HNRNPH3: variants seen among roughly 807,000 people sequenced by gnomAD.
HNRNPH3 encodes the protein heterogeneous nuclear ribonucleoprotein 2H9.
In HNRNPH3, 7 loss-of-function variants were observed where a neutral mutation model predicts 47.0. The ratio of observed to expected loss-of-function variants is 0.15; its 90% CI spans 0.08 to 0.28. The LOEUF is 0.28. HNRNPH3 is among the 10% of genes least tolerant of loss of function. The probability of loss-of-function intolerance (pLI) is 1.00; values close to 1 mark genes in which losing one functional copy is unlikely to be tolerated. For synonymous variants in HNRNPH3, 120 were observed against 143.2 expected (o/e 0.84, Z 1.16); for missense variants, 279 against 449.6 (o/e 0.62, Z 3.43).
intron 1 of HNRNPH3, among the ~76,000 whole-genome samples, chr10:68,333,838 T>A (rs1053435275): frequency 1.3e-5 from 2 of 152,248 alleles, no homozygotes. Flanking sequence ...TGATGCTTTC[T>A]CAAGATTGCC....
intron 1 of HNRNPH3, among the ~76,000 whole-genome samples, chr10:68,334,002 T>C (rs1187546117): frequency 1.3e-5 from 2 of 152,206 alleles, no homozygotes; most frequent in African/African-American, 4.8e-5. Flanking sequence ...CCTCTTTTCA[T>C]TTGTGCCGTT....
chr10:68,340,680 C>T (rs754750697), intron 6 of HNRNPH3, among the ~76,000 whole-genome samples: 1 of 152,194 alleles, frequency 6.6e-6, no homozygotes, highest in Non-Finnish European at 1.5e-5. Flanking sequence ...TAAAACCTGG[C>T]TAACTTGTGA....
Position 68,337,645 on chromosome 10 carries a change from A to G in HNRNPH3, c.113-213A>G, listed in dbSNP as rs953192235. The stretch of plus-strand genomic sequence containing the variant: ...TATAGGTGGGCTTTTAGAGTGTGTA[A>G]TTACACAGTGTTTTTACACTGGTCG... On this transcript the variant is annotated intron_variant, in intron 2 of 9. Coordinates refer to ENST00000265866, the MANE Select transcript of HNRNPH3 (RefSeq NM_012207.3). This position sits in a 1 kb window ranked among gnomAD's most constrained non-coding sequence, Gnocchi z 4.5. 1 of 529,994 alleles carries G rather than the reference A, an allele frequency of 1.9e-6. No individual in the cohort carries two copies. Among genetic ancestry groups the G allele is most frequent in the Non-Finnish European group, 3.3e-6 (1 of 298,686 alleles). The allele number at this position is 529,994 out of a possible 1,614,324, so 32.8% of individuals were successfully genotyped here.
At position 68,339,547 on chromosome 10, in the gene HNRNPH3, A is replaced by C; in HGVS notation, c.631A>C (p.Ile211Leu). Residue 211 changes from isoleucine (I) to leucine (L), a missense_variant, in exon 6 of 10, where the codon ATT becomes CTT. By Grantham distance (5) the Ile-to-Leu change is conservative. Coordinates refer to ENST00000265866, the MANE Select transcript of HNRNPH3 (RefSeq NM_012207.3). ...GCCTTTTCGTGCAACTGAAAATGAC[A>C]TTGCTAATGTGAGTAATTTTTAATA... Reference protein sequence around the residue: ...GLPFRATENDIANFFSPLNPI... With the variant: ...GLPFRATENDLANFFSPLNPI... The C allele has an allele frequency of 6.3e-7, 1 of 1,597,994 alleles. No homozygotes were observed. Among genetic ancestry groups the C allele is most frequent in the Non-Finnish European group, 8.6e-7 (1 of 1,165,566 alleles).
chr10:68,341,715 G>C lies in HNRNPH3; in HGVS notation c.871+35G>C, dbSNP rs996507780. The C allele has an allele frequency of 1.9e-6, 3 of 1,586,234 alleles. No homozygotes were observed. In the African/African-American group the frequency reaches 4.1e-5, roughly 22 times the overall value. On this transcript the variant is annotated intron_variant, in intron 8 of 9. Transcript: ENST00000265866. ...GTTTTTAAAATATGCAGGGTTAGCT[G>C]CTTATCGATGAGTCTCAATTTTTTT...
Position 68,341,648 on chromosome 10 carries a change from C to G in HNRNPH3, c.839C>G (p.Ser280Cys), listed in dbSNP as rs747008094. ...GGAGGCGGCTCTGGCATGGGAGGTT[C>G]TGGAATGGGAGGCTACGGAAGAGAT... Reference protein sequence around the residue: ...TPGGGSGMGGSGMGGYGRDGM... With the variant: ...TPGGGSGMGGCGMGGYGRDGM... The change falls in exon 8 of 10, where the codon TCT (serine) becomes TGT (cysteine). Residue 280 changes from serine (S) to cysteine (C), a missense_variant. Around this residue, in one of 2 missense-constraint regions of HNRNPH3, gnomAD observed 239 missense variants for 335.8 expected, o/e 0.71. Coordinates refer to ENST00000265866, the MANE Select transcript of HNRNPH3 (RefSeq NM_012207.3). 1 of 1,613,482 alleles carries G rather than the reference C, an allele frequency of 6.2e-7. No homozygotes were observed. Among genetic ancestry groups the G allele is most frequent in the South Asian group, 1.1e-5 (1 of 91,052 alleles).
chr10:68,340,321 C>T (rs2045821998), intron 6 of HNRNPH3, among the ~76,000 whole-genome samples: 3 of 152,154 alleles, frequency 2.0e-5, no homozygotes, highest in Non-Finnish European at 4.4e-5. Flanking sequence ...AGCCACTGCG[C>T]CTGACCTGTA....
intron 6 of HNRNPH3, among the ~76,000 whole-genome samples, chr10:68,340,502 C>T (rs973756961): frequency 2.0e-5 from 3 of 152,146 alleles, no homozygotes; most frequent in Non-Finnish European, 2.9e-5. Flanking sequence ...AACTTCAGTC[C>T]ATGGGCTAAA....
intron 1 of HNRNPH3, among the ~76,000 whole-genome samples, chr10:68,335,740 G>T (rs989872763): frequency 6.6e-6 from 1 of 152,158 alleles, no homozygotes; most frequent in Non-Finnish European, 1.5e-5. Context: ...CCAAGCACTT[G>T]AATAGTCCAG....
intron 1 of HNRNPH3, among the ~76,000 whole-genome samples, chr10:68,333,780 C>G (rs10998073): frequency 0.093 from 14,197 of 152,154 alleles, 993 homozygotes; most frequent in South Asian, 0.24. Flanking sequence ...TTGTTACCTA[C>G]TTTTCCAGCT....
At chr10:68,332,467 C>G (rs529261758) in intron 1 of HNRNPH3, among the ~76,000 whole-genome samples, 13 of 152,354 alleles carry the variant, frequency 8.5e-5, no homozygotes, top group African/African-American at 2.6e-4. Context: ...GGACATCCAG[C>G]ATTTTCCCCT....
At position 68,341,319 on chromosome 10, in the gene HNRNPH3, G is replaced by A. The variant is rs748673028; in HGVS notation, c.775+10G>A. On this transcript the variant is annotated intron_variant, in intron 7 of 9. Transcript: ENST00000265866. Reference sequence around the variant, plus strand: ...GATAAAAATAACATGCGTAAGTGGTGTCTTTGGCACACAATCTTATTTCCT... The same window carrying A: ...GATAAAAATAACATGCGTAAGTGGTATCTTTGGCACACAATCTTATTTCCT... 12 of 1,596,402 alleles carry A rather than the reference G, an allele frequency of 7.5e-6. No individual in the cohort carries two copies. Among genetic ancestry groups the A allele is most frequent in the Non-Finnish European group, 9.4e-6 (11 of 1,175,592 alleles).
chr10:68,334,391 T>C (rs958229355), intron 1 of HNRNPH3, among the ~76,000 whole-genome samples: 2 of 152,230 alleles, frequency 1.3e-5, no homozygotes, highest in Admixed American at 6.5e-5. Flanking sequence ...ATTTGTTCTT[T>C]AGTGGATTTT....
intron 9 of HNRNPH3, 58 bp downstream of exon 9, chr10:68,341,909 G>A (rs997831319): frequency 6.3e-7 from 1 of 1,590,566 alleles, no homozygotes; most frequent in African/African-American, 1.3e-5. Flanking sequence ...ACTTTAAAGT[G>A]CAGGTATTAC....
chr10:68,331,809 G>A (rs1218362744), upstream of HNRNPH3: 1 of 152,368 alleles, frequency 6.6e-6, no homozygotes, highest in African/African-American at 2.4e-5. Context: ...GCGGCAGAAT[G>A]GTACGCTCTG....
Position 68,337,230 on chromosome 10 carries a change from G to A in HNRNPH3, c.9G>A (p.Trp3Ter), listed in dbSNP as rs1460112318. Residue 3 changes from tryptophan (W) to a stop codon, truncating the protein, a stop_gained, in exon 2 of 10, where the codon TGG becomes TGA. Transcript: ENST00000265866. LOFTEE classifies it high-confidence loss of function. This position sits in a 1 kb window ranked among gnomAD's most constrained non-coding sequence, Gnocchi z 4.5. MD[W>*]VMKHNGPNDA... ...AATCAAACGGTATTGAGATGGATTG[G>A]GTTATGAAACATAATGGTCCAAATG... 6.3e-7 allele frequency: 1 copy of A among 1,599,544 alleles called. No homozygotes were observed. Among genetic ancestry groups the A allele is most frequent in the Non-Finnish European group, 8.6e-7 (1 of 1,167,074 alleles).
chr10:68,339,821 G>A (rs949787178), intron 6 of HNRNPH3, among the ~76,000 whole-genome samples: 4 of 151,782 alleles, frequency 2.6e-5, no homozygotes, highest in African/African-American at 9.7e-5. Context: ...TGGAACTATA[G>A]GTGCCCGCCA....
chr10:68,339,706 G>C, intron 6 of HNRNPH3, 151 bp downstream of exon 6: 1 of 566,212 alleles, frequency 1.8e-6, no homozygotes, highest in Non-Finnish European at 3.1e-6. Context: ...TTGAGATGGA[G>C]TCTTGCTCTG....
chr10:68,337,748 T>G lies in HNRNPH3; in HGVS notation c.113-110T>G. 1.0e-6 allele frequency: 1 copy of G among 991,444 alleles called. No individual in the cohort carries two copies. The allele number at this position is 991,444 out of a possible 1,614,324, so 61.4% of individuals were successfully genotyped here. On this transcript the variant is annotated intron_variant, in intron 2 of 9. Transcript: ENST00000265866. The surrounding 1 kb of genome is among the most constrained non-coding windows in gnomAD (Gnocchi z 4.5). ...TGGGGTGATGGGAAACTAAGCTTTTTTGTTTTGTTTTGTTTTGTTTAGACT... is the reference window on the plus strand; with the variant it reads ...TGGGGTGATGGGAAACTAAGCTTTTGTGTTTTGTTTTGTTTTGTTTAGACT...
Sources: gnomAD v4.1 joint callset for allele counts (sites outside exome capture counted in the v4.1 genomes callset) on GRCh38, gnomAD v4.1.1 for gene constraint, gnomAD v4.1.1 regional missense constraint, Gnocchi (gnomAD v3.1) non-coding constraint, MANE v1.5 for transcripts, NCBI Gene and HGNC (gene_info 2026-07-23, HGNC 2026-07-21) for gene names.